The following B3GALT1 variants were observed in gnomAD, a reference collection of about 807,000 sequenced individuals.
The protein encoded by B3GALT1 is UDP-Gal:betaGlcNAc beta 1,3-galactosyltransferase, polypeptide 1.
Under a neutral mutation model 23.2 loss-of-function variants are expected in B3GALT1, and 10 were observed. That is an observed-to-expected ratio of 0.43 (90% CI 0.27 to 0.73). B3GALT1 has a LOEUF of 0.73. B3GALT1 is among the 30% of genes least tolerant of loss of function. The pLI is 0.21. For missense variants in B3GALT1, 299 were observed against 405.4 expected (o/e 0.74, Z 2.25); for synonymous variants, 156 against 141.5 (o/e 1.10, Z -0.73).
intron 2 of B3GALT1, among the ~76,000 whole-genome samples, chr2:167,593,774 G>A (rs904043189): frequency 4.6e-5 from 7 of 152,166 alleles, no homozygotes; most frequent in African/African-American, 1.7e-4. Flanking sequence ...CCACAACACG[G>A]AGCTCAGTGG....
intron 3 of B3GALT1, among the ~76,000 whole-genome samples, chr2:167,686,520 A>G (rs918758545): frequency 1.1e-4 from 16 of 152,204 alleles, no homozygotes; most frequent in Non-Finnish European, 1.5e-5. Flanking sequence ...GTAAGTTCTC[A>G]AGTTCAAACC....
At chr2:167,378,389 T>A (rs1489211829) in intron 1 of B3GALT1, among the ~76,000 whole-genome samples, 1 of 152,178 alleles carries the variant, frequency 6.6e-6, no homozygotes, top group East Asian at 1.9e-4. Flanking sequence ...TAGGGAAGTT[T>A]CCTTAAATTA....
intron 1 of B3GALT1, among the ~76,000 whole-genome samples, chr2:167,335,306 T>G (rs193035998): frequency 4.6e-5 from 7 of 152,314 alleles, no homozygotes; most frequent in African/African-American, 1.7e-4. Flanking sequence ...TTTGTCTGAC[T>G]ATGAAGCTAG....
At chr2:167,709,721 G>T (rs114896407) in intron 3 of B3GALT1, among the ~76,000 whole-genome samples, 1 of 151,826 alleles carries the variant, frequency 6.6e-6, no homozygotes, top group Non-Finnish European at 1.5e-5. Context: ...TTTAATCCTC[G>T]CCATGAGAAG....
intron 1 of B3GALT1, among the ~76,000 whole-genome samples, chr2:167,385,731 C>CT (rs35881941): frequency 1.4e-4 from 22 of 151,954 alleles, no homozygotes; most frequent in Non-Finnish European, 3.1e-4. Flanking sequence ...TATTAGACAC[C>CT]TTTTTTTTCA....
chr2:167,853,193 G>A (rs1419668885), intron 4 of B3GALT1, among the ~76,000 whole-genome samples: 8 of 152,134 alleles, frequency 5.3e-5, no homozygotes, highest in African/African-American at 1.9e-4. Context: ...CGCATTCTCA[G>A]TTTCAACTTT....
In B3GALT1 at chr2:167,873,902, C is replaced by T. The variant is rs1211453563; in HGVS notation, c.*3882C>T. 6.6e-6 allele frequency: 1 copy of T among 152,170 alleles called. No homozygotes were observed. Among genetic ancestry groups the T allele is most frequent in the African/African-American group, 2.4e-5 (1 of 41,444 alleles). 9.4% of individuals were successfully genotyped at this position (152,170 alleles called of 1,614,324 possible). A position where few individuals can be genotyped will look rare whatever the true frequency, so the allele number is the denominator to read the frequency against. The stretch of plus-strand genomic sequence containing the variant: ...GACAGACACTGAAGATATCATTACA[C>T]TTTCTTCACCTTCCTCTTGAAATGT... On this transcript the variant is annotated 3_prime_UTR_variant, in exon 5 of 5. Transcript: ENST00000392690.
intron 1 of B3GALT1, among the ~76,000 whole-genome samples, chr2:167,404,760 C>A (rs1351422696): frequency 2.0e-5 from 3 of 152,086 alleles, no homozygotes; most frequent in African/African-American, 7.2e-5. Flanking sequence ...TTGTACTGTG[C>A]TTAAATAAAG....
At chr2:167,563,909 T>C (rs1425460565) in intron 2 of B3GALT1, among the ~76,000 whole-genome samples, 96 of 75,152 alleles carry the variant, frequency 1.3e-3, no homozygotes, top group East Asian at 4.6e-3. Flanking sequence ...GCGGGGCCGA[T>C]CCCCCCACCT....
intron 1 of B3GALT1, among the ~76,000 whole-genome samples, chr2:167,368,368 C>G (rs1697625176): frequency 6.6e-6 from 1 of 152,134 alleles, no homozygotes. Flanking sequence ...GAATTCATTA[C>G]TTGGGATAAG....
At chr2:167,472,633 C>T (rs1054332635) in intron 1 of B3GALT1, among the ~76,000 whole-genome samples, 1 of 152,128 alleles carries the variant, frequency 6.6e-6, no homozygotes, top group African/African-American at 2.4e-5. Context: ...TCACTGTTGT[C>T]TGGAAAACAT....
chr2:167,714,369 C>T (rs1687110629), intron 3 of B3GALT1: 2 of 1,504,224 alleles, frequency 1.3e-6, no homozygotes, highest in Non-Finnish European at 1.9e-6. Context: ...ATCTGATGGT[C>T]CAGAGGATTC....
chr2:167,748,215 C>T (rs1687681489), intron 3 of B3GALT1, among the ~76,000 whole-genome samples: 1 of 151,970 alleles, frequency 6.6e-6, no homozygotes, highest in Non-Finnish European at 1.5e-5. Context: ...ATGCTTGATG[C>T]CATCATTATA....
chr2:167,668,788 T>C (rs1400826954), intron 3 of B3GALT1, among the ~76,000 whole-genome samples: 1 of 152,242 alleles, frequency 6.6e-6, no homozygotes, highest in Non-Finnish European at 1.5e-5. Flanking sequence ...AGTGAGGCAA[T>C]GCCTCGCCCT....
intron 3 of B3GALT1, among the ~76,000 whole-genome samples, chr2:167,728,769 A>C (rs1687360879): frequency 6.6e-6 from 1 of 152,232 alleles, no homozygotes; most frequent in Non-Finnish European, 1.5e-5. Context: ...AATTGTATAC[A>C]GACAACCACT....
rs532519237 is a variant in B3GALT1, at chr2:167,750,175, G to T, written c.-351-68497G>T. ...GCAAATAAGGCTAAGAAAAGTTTTT[G>T]TCTTGTCTATTTGCAAGCCTGAGTG... On this transcript the variant is annotated intron_variant, in intron 3 of 4. Transcript: ENST00000392690. Among the ~76,000 whole-genome samples, 4 of 152,242 alleles carry T rather than the reference G, an allele frequency of 2.6e-5. No individual in the cohort carries two copies. The East Asian group carries it at 5.8e-4, about 22-fold the overall frequency.
chr2:167,453,546 T>G (rs1170416254), intron 1 of B3GALT1, among the ~76,000 whole-genome samples: 1 of 151,744 alleles, frequency 6.6e-6, no homozygotes, highest in African/African-American at 2.4e-5. Flanking sequence ...TAGAAGATAT[T>G]TTGGTTTTGG....
intron 4 of B3GALT1, among the ~76,000 whole-genome samples, chr2:167,860,562 C>A (rs1690078355): frequency 6.6e-6 from 1 of 152,140 alleles, no homozygotes; most frequent in African/African-American, 2.4e-5. Context: ...TATTCAGAGT[C>A]AATTAATAAC....
At chr2:167,623,005 T>A (rs773913771) in intron 2 of B3GALT1, among the ~76,000 whole-genome samples, 3 of 152,086 alleles carry the variant, frequency 2.0e-5, no homozygotes, top group African/African-American at 4.8e-5. Flanking sequence ...GTTAGCATTC[T>A]TTCCACTAGA....
Sources: gnomAD v4.1 joint callset for allele counts (sites outside exome capture counted in the v4.1 genomes callset) on GRCh38, gnomAD v4.1.1 for gene constraint, MANE v1.5 for transcripts, NCBI Gene and HGNC (gene_info 2026-07-23, HGNC 2026-07-21) for gene names.